The following ILDR2 variants were observed in gnomAD, a reference collection of about 807,000 sequenced individuals.
The protein encoded by ILDR2 is immunoglobulin-like domain-containing receptor 2.
A neutral mutation model predicts 66.8 loss-of-function variants in ILDR2; 25 were observed. That is an observed-to-expected ratio of 0.37 (90% confidence interval 0.27 to 0.52). ILDR2 has a LOEUF of 0.52. Ranked by LOEUF, ILDR2 falls within the 20% of genes least tolerant of loss-of-function variation. ILDR2 has a pLI of 0.88. For missense variants in ILDR2, 827 were observed against 876.8 expected (o/e 0.94, Z 0.72); for synonymous variants, 367 against 357.2 (o/e 1.03, Z -0.31).
At chr1:166,930,066 A>G (rs1236339601) in intron 6 of ILDR2, among the ~76,000 whole-genome samples, 2 of 152,198 alleles carry the variant, frequency 1.3e-5, no homozygotes, top group African/African-American at 2.4e-5. Context: ...TTGTTGCTAT[A>G]TGGAACAATG....
At chr1:166,932,429 T>C (rs1026111348) in intron 6 of ILDR2, among the ~76,000 whole-genome samples, 77 of 152,170 alleles carry the variant, frequency 5.1e-4, no homozygotes, top group African/African-American at 1.7e-3. Context: ...ACCACAGGAT[T>C]TTTGTGAATT....
intron 1 of ILDR2, among the ~76,000 whole-genome samples, chr1:166,962,157 T>A (rs1353490817): frequency 6.6e-6 from 1 of 152,130 alleles, no homozygotes; most frequent in African/African-American, 2.4e-5. Flanking sequence ...TGCCATCCAG[T>A]CCCCAAACTG....
At position 166,921,143 on chromosome 1, in the gene ILDR2, C is replaced by T. The variant is rs779768036; in HGVS notation, c.1448G>A (p.Arg483His). 2.0e-6 allele frequency: 3 copies of T among 1,531,970 alleles called. No homozygotes were observed. The highest frequency in any genetic ancestry group is 2.4e-5 in the South Asian group (2 of 83,620). 94.9% of individuals were successfully genotyped at this position (1,531,970 alleles called of 1,614,324 possible). A position where few individuals can be genotyped will look rare whatever the true frequency, so the allele number is the denominator to read the frequency against. The change falls in exon 9 of 10, where the codon CGC (arginine) becomes CAC (histidine). Residue 483 changes from arginine to histidine, a missense_variant. Arg to His is a conservative substitution (Grantham distance 29). This residue lies in a region of ILDR2 where 390 missense variants were observed against 353.6 expected (regional missense o/e 1.10). Coordinates refer to ENST00000271417, the MANE Select transcript of ILDR2 (RefSeq NM_199351.3). This position sits in a 1 kb window ranked among gnomAD's most constrained non-coding sequence, Gnocchi z 5.3. ...SLEEYYGQRS[R>H]SREPLTDADR... ...AGCATCGGTCAGGGGCTCGCGGCTG[C>T]GGCTGCGCTGACCGTAGTACTCCTC... is the stretch of plus-strand genomic sequence containing the variant.
At chr1:166,953,357 T>C (rs1473615341) in intron 3 of ILDR2, among the ~76,000 whole-genome samples, 1 of 152,218 alleles carries the variant, frequency 6.6e-6, no homozygotes, top group African/African-American at 2.4e-5. Context: ...CTTCACAATC[T>C]TGCTCCATCA....
At chr1:166,923,417 A>C (rs1003807982) in intron 7 of ILDR2, among the ~76,000 whole-genome samples, 1 of 152,042 alleles carries the variant, frequency 6.6e-6, no homozygotes, top group Non-Finnish European at 1.5e-5. Context: ...GTATCCATAT[A>C]CCCCCTGACT....
chr1:166,955,424 A>G (rs1243687155), intron 3 of ILDR2, among the ~76,000 whole-genome samples: 1 of 152,170 alleles, frequency 6.6e-6, no homozygotes, highest in Non-Finnish European at 1.5e-5. Context: ...CCTGGCCAAC[A>G]TAGCAAAACC....
At chr1:166,971,457 CTTGGTTT>C (rs936620072) in intron 1 of ILDR2, among the ~76,000 whole-genome samples, 2 of 152,120 alleles carry the variant, frequency 1.3e-5, no homozygotes, top group Admixed American at 1.3e-4. Context: ...GACTGGAAAA[CTTGGTTT>C]TTGGTTTTTG....
intron 3 of ILDR2, among the ~76,000 whole-genome samples, chr1:166,947,705 A>G (rs890795361): frequency 3.3e-5 from 5 of 152,064 alleles, no homozygotes; most frequent in South Asian, 2.1e-4. Context: ...CCACCCGACT[A>G]CAATGCAGCG....
At chr1:166,901,509 C>T (rs1659263641) in intron 2 of ILDR2, among the ~76,000 whole-genome samples, 1 of 152,036 alleles carries the variant, frequency 6.6e-6, no homozygotes, top group South Asian at 2.1e-4. Context: ...CTTGCTGGTC[C>T]TCTCCTCTTC....
intron 2 of ILDR2, among the ~76,000 whole-genome samples, chr1:166,900,696 C>T (rs1297951908): frequency 2.6e-5 from 4 of 152,190 alleles, no homozygotes; most frequent in African/African-American, 7.2e-5. Flanking sequence ...GGACATTTGA[C>T]TCCTGTACTG....
At chr1:166,922,097 T>C (rs1315541595) in intron 8 of ILDR2, among the ~76,000 whole-genome samples, 3 of 152,114 alleles carry the variant, frequency 2.0e-5, no homozygotes. Context: ...GTTTGGCATT[T>C]TACCTTTCAT....
intron 2 of ILDR2, among the ~76,000 whole-genome samples, chr1:166,901,505 G>A (rs896526786): frequency 1.3e-5 from 2 of 152,120 alleles, no homozygotes; most frequent in African/African-American, 4.8e-5. Context: ...TATTCTTGCT[G>A]GTCCTCTCCT....
At chr1:166,956,293 T>G (rs1212148452) in intron 3 of ILDR2, among the ~76,000 whole-genome samples, 1 of 152,216 alleles carries the variant, frequency 6.6e-6, no homozygotes, top group Non-Finnish European at 1.5e-5. Flanking sequence ...TATGATTGTT[T>G]TAAGTGGAGA....
intron 6 of ILDR2, among the ~76,000 whole-genome samples, chr1:166,927,612 C>T (rs1353770553): frequency 6.6e-6 from 1 of 152,216 alleles, no homozygotes; most frequent in Admixed American, 6.5e-5. Flanking sequence ...GCACAGGTAA[C>T]TTACAGATAC....
intron 7 of ILDR2, among the ~76,000 whole-genome samples, chr1:166,925,196 A>C (rs1660206086): frequency 6.6e-6 from 1 of 152,128 alleles, no homozygotes; most frequent in Non-Finnish European, 1.5e-5. Flanking sequence ...ATTCTTACAG[A>C]ATCTGTTACT....
At chr1:166,944,854 C>T (rs1661520532) in intron 3 of ILDR2, among the ~76,000 whole-genome samples, 1 of 152,132 alleles carries the variant, frequency 6.6e-6, no homozygotes, top group African/African-American at 2.4e-5. Context: ...TATCTCGTGG[C>T]TGCAATGTGC....
chr1:166,935,493 A>G lies in ILDR2; in HGVS notation c.704-16T>C, dbSNP rs1239182241. 5.8e-6 allele frequency: 9 copies of G among 1,544,992 alleles called. No individual in the cohort carries two copies. The highest frequency in any genetic ancestry group is 7.8e-6 in the Non-Finnish European group (9 of 1,147,498). ...GCTTCATACACTGTGGAGGGAGATC[A>G]AGAGCAAGAGAGATTACGTCGTCCC... is the stretch of plus-strand genomic sequence containing the variant. On this transcript the variant is annotated splice_polypyrimidine_tract_variant and intron_variant, in intron 5 of 9. Coordinates refer to ENST00000271417, the MANE Select transcript of ILDR2 (RefSeq NM_199351.3).
intron 2 of ILDR2, among the ~76,000 whole-genome samples, chr1:166,901,311 A>G (rs1288797995): frequency 6.6e-6 from 1 of 152,162 alleles, no homozygotes; most frequent in Admixed American, 6.5e-5. Context: ...TCAACCTTAC[A>G]ATCACTAGGT....
intron 1 of ILDR2, 52 bp downstream of exon 1, chr1:166,975,171 A>G (rs1663523016): frequency 6.9e-7 from 1 of 1,450,780 alleles, no homozygotes; most frequent in Non-Finnish European, 9.7e-7. Flanking sequence ...TGAGAACAGA[A>G]CCACTACAGG....
Sources: gnomAD v4.1 joint callset for allele counts (sites outside exome capture counted in the v4.1 genomes callset) on GRCh38, gnomAD v4.1.1 for gene constraint, gnomAD v4.1.1 regional missense constraint, Gnocchi (gnomAD v3.1) non-coding constraint, MANE v1.5 for transcripts, NCBI Gene and HGNC (gene_info 2026-07-23, HGNC 2026-07-21) for gene names.